The following ADCY9 variants were observed in gnomAD, a reference collection of about 807,000 sequenced individuals.
The protein encoded by ADCY9 is adenylate cyclase type 9.
In ADCY9, 50 loss-of-function variants were observed where a neutral mutation model predicts 101.5. That is an observed-to-expected ratio of 0.49 (90% CI 0.39 to 0.62). The LOEUF is 0.62. Among genes scored for constraint, ADCY9 ranks in the 20% least tolerant of loss-of-function variants. The pLI is 0.00. For synonymous variants in ADCY9, 905 were observed against 769.3 expected (o/e 1.18, Z -2.92); for missense variants, 1,662 against 1,800.4 (o/e 0.92, Z 1.39).
chr16:4,059,379 G>GAAAAAAAAAA (rs1555441793), intron 2 of ADCY9, among the ~76,000 whole-genome samples: 1 of 118,462 alleles, frequency 8.4e-6, no homozygotes, highest in Non-Finnish European at 1.7e-5. Context: ...AGAATCCATC[G>GAAAAAAAAAA]AAAAAAAAAA....
chr16:4,060,385 C>T (rs2056767591), intron 2 of ADCY9, among the ~76,000 whole-genome samples: 1 of 152,182 alleles, frequency 6.6e-6, no homozygotes. Context: ...AAAGTGAGGC[C>T]TACCCCACGC....
At chr16:4,018,373 C>G (rs2238451) in intron 2 of ADCY9, among the ~76,000 whole-genome samples, 1 of 151,930 alleles carries the variant, frequency 6.6e-6, no homozygotes, top group Non-Finnish European at 1.5e-5. Flanking sequence ...CCACCATGCC[C>G]GGCTAATTTT....
In ADCY9 at chr16:3,988,965, A is replaced by G. The variant is rs745424254; in HGVS notation, c.2310+29T>C. On this transcript the variant is annotated intron_variant, in intron 6 of 10. Coordinates refer to ENST00000294016, the MANE Select transcript of ADCY9 (RefSeq NM_001116.4). ...TGTGAGAACAACAAACACATTCTTT[A>G]GTAAAAGCGCAAGGAGAAATGAACG... 7.2e-6 allele frequency: 11 copies of G among 1,521,374 alleles called. No homozygotes were observed. In the East Asian group the frequency reaches 1.1e-4, roughly 16 times the overall value. The allele number at this position is 1,521,374 out of a possible 1,614,324, so 94.2% of individuals were successfully genotyped here.
At chr16:4,080,583 G>C (rs1597213179) in intron 2 of ADCY9, among the ~76,000 whole-genome samples, 1 of 151,924 alleles carries the variant, frequency 6.6e-6, no homozygotes, top group Non-Finnish European at 1.5e-5. Flanking sequence ...TTTCTAATAG[G>C]CTTCAGAGAA....
chr16:3,999,771 G>C (rs570210056), intron 3 of ADCY9, among the ~76,000 whole-genome samples: 1 of 152,318 alleles, frequency 6.6e-6, no homozygotes, highest in South Asian at 2.1e-4. Context: ...GGCTTTGGAG[G>C]GAAGAGTGTA....
chr16:4,101,212 T>C (rs2057040811), intron 2 of ADCY9, among the ~76,000 whole-genome samples: 2 of 151,858 alleles, frequency 1.3e-5, no homozygotes, highest in East Asian at 3.8e-4. Context: ...TTCTCATCTA[T>C]AAAATAGAGA....
rs372461075 is a variant in ADCY9 at position 4,114,800 on chromosome 16, C to G, written c.643G>C (p.Asp215His). The G allele has an allele frequency of 1.2e-6, 2 of 1,613,340 alleles. No homozygotes were observed. Among genetic ancestry groups the G allele is most frequent in the Admixed American group, 3.3e-5 (2 of 60,034 alleles). Residue 215 changes from aspartate (D) to histidine (H), a missense_variant, in exon 2 of 11, where the codon GAT becomes CAT. Physicochemically the swap from Asp to His is moderately conservative, Grantham distance 81 (BLOSUM62 -1). Around this residue, in one of 5 missense-constraint regions of ADCY9, gnomAD observed 422 missense variants for 392.0 expected, o/e 1.08. Coordinates refer to ENST00000294016, the MANE Select transcript of ADCY9 (RefSeq NM_001116.4). The surrounding 1 kb of genome is among the most constrained non-coding windows in gnomAD (Gnocchi z 4.3). ...SNLTATARPT[D>H]TCLSQVGSFS... ...CTCCCCACTTGAGATAAGCAAGTAT[C>G]TGTGGGCCGGGCTGTGGCCGTAAGG...
At chr16:4,027,033 G>A (rs2056520554) in intron 2 of ADCY9, among the ~76,000 whole-genome samples, 2 of 152,140 alleles carry the variant, frequency 1.3e-5, no homozygotes, top group Non-Finnish European at 2.9e-5. Flanking sequence ...CAGGTGTAAC[G>A]TTGCAACTTC....
chr16:4,012,399 A>G (rs563858652), intron 2 of ADCY9, among the ~76,000 whole-genome samples: 1 of 151,620 alleles, frequency 6.6e-6, no homozygotes, highest in Non-Finnish European at 1.5e-5. Flanking sequence ...TGCAGGCGAC[A>G]TGATTTAATG....
At chr16:4,044,963 C>G (rs1447971220) in intron 2 of ADCY9, among the ~76,000 whole-genome samples, 7 of 152,148 alleles carry the variant, frequency 4.6e-5, no homozygotes, top group Admixed American at 4.6e-4. Context: ...CGAGATGAGG[C>G]TGTGCTGGCT....
chr16:4,089,135 G>GGCTAGAGTGCAGTGGC (rs60051660), intron 2 of ADCY9, among the ~76,000 whole-genome samples: 62 of 151,194 alleles, frequency 4.1e-4, no homozygotes, highest in Non-Finnish European at 8.5e-4. Context: ...CTGTCACCCA[G>GGCTAGAGTGCAGTGGC]GCAATCTCAG....
chr16:4,059,020 A>T (rs954198590), intron 2 of ADCY9, among the ~76,000 whole-genome samples: 1 of 152,224 alleles, frequency 6.6e-6, no homozygotes, highest in Non-Finnish European at 1.5e-5. Context: ...GGATTAGTAA[A>T]GATTTTCATT....
chr16:4,040,627 T>G (rs2056620487), intron 2 of ADCY9, among the ~76,000 whole-genome samples: 1 of 152,268 alleles, frequency 6.6e-6, no homozygotes, highest in East Asian at 1.9e-4. Flanking sequence ...TGGTTAATTT[T>G]TGTATTTTTA....
At chr16:4,105,897 G>A (rs920307499) in intron 2 of ADCY9, among the ~76,000 whole-genome samples, 1 of 152,094 alleles carries the variant, frequency 6.6e-6, no homozygotes, top group Non-Finnish European at 1.5e-5. Context: ...CTGGATTAGA[G>A]GAAGGCATAT....
At chr16:4,068,123 A>G (rs1014383298) in intron 2 of ADCY9, among the ~76,000 whole-genome samples, 2 of 152,188 alleles carry the variant, frequency 1.3e-5, no homozygotes, top group African/African-American at 2.4e-5. Flanking sequence ...TGCATAGAAC[A>G]TGATATTCTC....
Position 4,034,754 on chromosome 16 carries a change from G to A in ADCY9, c.1694-27196C>T, listed in dbSNP as rs181283333. Among the ~76,000 whole-genome samples the A allele has an allele frequency of 2.0e-3, 301 of 152,246 alleles. 1 individual carries two copies. The highest frequency in any genetic ancestry group is 3.4e-3 in the Non-Finnish European group (229 of 68,020). On this transcript the variant is annotated intron_variant, in intron 2 of 10. Transcript: ENST00000294016. Reference sequence around the variant, plus strand: ...TTACATTCTATCTGAGTGGTTATCCGTTGGCACCCCATGGAATGAAGAAGG... The same window carrying A: ...TTACATTCTATCTGAGTGGTTATCCATTGGCACCCCATGGAATGAAGAAGG...
Position 4,092,286 on chromosome 16 carries a change from A to G in ADCY9, c.1693+21464T>C, listed in dbSNP as rs74249137. On this transcript the variant is annotated intron_variant, in intron 2 of 10. Coordinates refer to ENST00000294016, the MANE Select transcript of ADCY9 (RefSeq NM_001116.4). ...CCCTGTCTCAAAAAACAAACAAACA[A>G]AAGAACCAAGTAGGAAGAAATGTGG... Among the ~76,000 whole-genome samples the G allele has an allele frequency of 3.3e-5, 5 of 152,280 alleles. No individual in the cohort carries two copies. The East Asian group carries it at 7.7e-4, about 23-fold the overall frequency.
intron 2 of ADCY9, among the ~76,000 whole-genome samples, chr16:4,093,376 G>A (rs2056984797): frequency 6.6e-6 from 1 of 152,114 alleles, no homozygotes; most frequent in Non-Finnish European, 1.5e-5. Flanking sequence ...TAGAAAAGAG[G>A]CTACTGTTTA....
intron 2 of ADCY9, among the ~76,000 whole-genome samples, chr16:4,113,529 G>C (rs988114763): frequency 3.9e-5 from 6 of 152,126 alleles, no homozygotes; most frequent in Non-Finnish European, 8.8e-5. Flanking sequence ...TAAAGGTCGC[G>C]TCTAGGTCAT....
Sources: gnomAD v4.1 joint callset for allele counts (sites outside exome capture counted in the v4.1 genomes callset) on GRCh38, gnomAD v4.1.1 for gene constraint, gnomAD v4.1.1 regional missense constraint, Gnocchi (gnomAD v3.1) non-coding constraint, MANE v1.5 for transcripts, NCBI Gene and HGNC (gene_info 2026-07-23, HGNC 2026-07-21) for gene names.